Variants in COL9A3 observed in about 807,000 individuals in gnomAD.
COL9A3 encodes the protein collagen alpha-3(IX) chain.
COL9A3 carries 82 observed loss-of-function variants against 110.2 expected under a neutral mutation model. The observed-to-expected ratio is 0.74, with a 90% CI of 0.62 to 0.89. The LOEUF is 0.89. Among genes scored for constraint, COL9A3 ranks in the 40% least tolerant of loss-of-function variants. COL9A3 has a pLI of 0.00. For missense variants in COL9A3, 1,066 were observed against 981.3 expected, an observed-to-expected ratio of 1.09 and a Z score of -1.15; for synonymous variants, 494 against 403.8, an observed-to-expected ratio of 1.22 and a Z score of -2.68.
In COL9A3 at chr20:62,819,284, G is replaced by C; in HGVS notation, c.246G>C (p.Pro82=). 3.1e-6 allele frequency: 5 copies of C among 1,610,700 alleles called. No homozygotes were observed. The highest frequency in any genetic ancestry group is 4.2e-6 in the Non-Finnish European group (5 of 1,179,460). Residue 82 remains proline (P), a synonymous_variant, in exon 4 of 32, where the codon CCG becomes CCC. Coordinates refer to ENST00000649368, the MANE Select transcript of COL9A3 (RefSeq NM_001853.4). ...GAGAGGCTGGGCTGCCGGGACTGCCGGGTGTGGATGTGAGTGCGCCTGCCC... is the reference window on the plus strand; with the variant it reads ...GAGAGGCTGGGCTGCCGGGACTGCCCGGTGTGGATGTGAGTGCGCCTGCCC... ...KPGEAGLPGL[P]GVDGLTGRDG...
intron 26 of COL9A3, among the ~76,000 whole-genome samples, chr20:62,833,677 A>G (rs2063613646): frequency 6.6e-6 from 1 of 150,724 alleles, no homozygotes; most frequent in Non-Finnish European, 1.5e-5. Context: ...TGCTGGGATT[A>G]CAGGCATGAG....
chr20:62,840,671 C>T lies in COL9A3; in HGVS notation c.1994C>T (p.Ser665Leu), dbSNP rs750703504. ...AQGTPGICDT[S>L]ACQGAVLGGV... ...GGGACACCGGGGATCTGCGACACCT[C>T]AGCCTGCCAAGGAGCCGTGTTAGGA... Residue 665 changes from serine to leucine, a missense_variant, in exon 32 of 32, where the codon TCA becomes TTA. Transcript: ENST00000649368. The T allele has an allele frequency of 1.2e-6, 2 of 1,605,632 alleles. No homozygotes were observed. The highest frequency in any genetic ancestry group is 1.7e-5 in the Admixed American group (1 of 58,386).
chr20:62,821,353 C>G (rs3765461), intron 6 of COL9A3, 137 bp downstream of exon 6: 34,500 of 1,335,912 alleles, frequency 0.026, 902 homozygotes, highest in East Asian at 0.11. Context: ...AGGCTGGTGC[C>G]TGGATGGGGT....
chr20:62,832,817 G>T, intron 25 of COL9A3: 4 of 431,900 alleles, frequency 9.3e-6, no homozygotes, highest in East Asian at 8.7e-5. Flanking sequence ...AATGTCTTCC[G>T]TTTTTTGGCC....
At position 62,836,266 on chromosome 20, in the gene COL9A3, C is replaced by G. The variant is rs942913014; in HGVS notation, c.1481C>G (p.Pro494Arg). The G allele has an allele frequency of 6.8e-6, 11 of 1,613,852 alleles. No homozygotes were observed. Among genetic ancestry groups the G allele is most frequent in the Non-Finnish European group, 9.3e-6 (11 of 1,180,012 alleles). ...AGCGGTGTTCAGGGTGTCCCCGGGC[C>G]CCCCGGTCCTCTGGGCCTGCAGGGC... The part of the protein sequence containing the change: ...GTSGVQGVPG[P>R]PGPLGLQGVP... The change falls in exon 28 of 32, where the codon CCC (proline) becomes CGC (arginine). Residue 494 changes from proline (P) to arginine (R), a missense_variant. By Grantham distance (103) the Pro-to-Arg change is moderately radical. Transcript: ENST00000649368.
At chr20:62,817,334 C>T in intron 1 of COL9A3, 192 bp downstream of exon 1, 1 of 492,642 alleles carries the variant, frequency 2.0e-6, no homozygotes, top group Non-Finnish European at 3.4e-6. Flanking sequence ...TGGCCCGGGT[C>T]GGCCGGCGCC....
chr20:62,837,232 C>T lies in COL9A3; in HGVS notation c.1753C>T (p.Pro585Ser). The change falls in exon 30 of 32, where the codon CCC (proline) becomes TCC (serine). Residue 585 changes from proline to serine, a missense_variant. Pro to Ser is a moderately conservative substitution (Grantham distance 74, BLOSUM62 -1). Coordinates refer to ENST00000649368, the MANE Select transcript of COL9A3 (RefSeq NM_001853.4). The stretch of plus-strand genomic sequence containing the variant: ...TCGAGGACCCCCTGGATACCGCGGT[C>T]CCACTGGGGAGCTGGGAGACCCCGG... ...GARGPPGYRG[P>S]TGELGDPGPR... 2 of 1,611,732 alleles carry T rather than the reference C, an allele frequency of 1.2e-6. No individual in the cohort carries two copies. The highest frequency in any genetic ancestry group is 1.3e-5 in the African/African-American group (1 of 75,036).
chr20:62,817,966 G>A (rs1190883837), intron 2 of COL9A3: 1 of 419,430 alleles, frequency 2.4e-6, no homozygotes. Context: ...TGGGTGGTTG[G>A]GGGCCGGGGG....
chr20:62,818,696 G>A, intron 3 of COL9A3, 143 bp downstream of exon 3: 2 of 837,196 alleles, frequency 2.4e-6, no homozygotes, highest in South Asian at 2.7e-5. Context: ...CTTGGAGCAG[G>A]CCTGGAGCCA....
chr20:62,840,366 G>A (rs767112166), intron 31 of COL9A3, among the ~76,000 whole-genome samples, 176 bp from the exon 32 acceptor site: 110 of 147,806 alleles, frequency 7.4e-4, no homozygotes, highest in Non-Finnish European at 1.3e-3. Flanking sequence ...ACTCCCGACC[G>A]CCAGCCCCGC....
At chr20:62,821,281 A>C in intron 6 of COL9A3, 65 bp downstream of exon 6, 1 of 1,538,576 alleles carries the variant, frequency 6.5e-7, no homozygotes, top group Non-Finnish European at 8.9e-7. Context: ...TCTGGTCTAA[A>C]TGGGGTGGCC....
chr20:62,840,443 G>A, intron 31 of COL9A3, 99 bp from the exon 32 acceptor site: 1 of 1,123,078 alleles, frequency 8.9e-7, no homozygotes, highest in South Asian at 1.3e-5. Flanking sequence ...AGTGAAGAGT[G>A]AGCAGATGGA....
chr20:62,816,565 C>A (rs940678912), upstream of COL9A3, among the ~76,000 whole-genome samples: 10 of 152,186 alleles, frequency 6.6e-5, no homozygotes, highest in Non-Finnish European at 1.2e-4. Context: ...CAGGGCTGCG[C>A]TGGGCACTGA....
intron 24 of COL9A3, chr20:62,831,540 A>G: frequency 6.1e-6 from 1 of 164,922 alleles, no homozygotes; most frequent in South Asian, 1.5e-4. Flanking sequence ...ATTGGCCTCC[A>G]GGCAGGACAT....
intron 24 of COL9A3, 37 bp from the exon 25 acceptor site, chr20:62,832,117 C>A (rs371790046): frequency 3.0e-5 from 48 of 1,605,292 alleles, no homozygotes; most frequent in Non-Finnish European, 4.0e-5. Context: ...GGGATTCCTG[C>A]CATTCCTCTA....
At chr20:62,821,358 TG>T (rs2063510946) in intron 6 of COL9A3, 142 bp downstream of exon 6, 3 of 1,332,922 alleles carry the variant, frequency 2.3e-6, no homozygotes, top group African/African-American at 2.9e-5. Context: ...GGTGCCTGGA[TG>T]GGGTCCTGGT....
intron 26 of COL9A3, among the ~76,000 whole-genome samples, chr20:62,834,342 T>G (rs577808664): frequency 6.6e-6 from 1 of 152,322 alleles, no homozygotes; most frequent in East Asian, 1.9e-4. Context: ...AAAACTCCAC[T>G]TCCACAGGCC....
chr20:62,839,507 A>G (rs2063658205), intron 31 of COL9A3, among the ~76,000 whole-genome samples: 1 of 152,212 alleles, frequency 6.6e-6, no homozygotes, highest in African/African-American at 2.4e-5. Flanking sequence ...AGGAGGCCTT[A>G]GACTCCAAGG....
In COL9A3 at chr20:62,826,753, T is replaced by G. The variant is rs779504411; in HGVS notation, c.739-14T>G. ...TCAGACAAGAGGACCCCGGATCCCCTCTCTCCTCTGCAGGGTCCCATTGGG... is the reference window on the plus strand; with the variant it reads ...TCAGACAAGAGGACCCCGGATCCCCGCTCTCCTCTGCAGGGTCCCATTGGG... On this transcript the variant is annotated splice_polypyrimidine_tract_variant and intron_variant, in intron 14 of 31. Coordinates refer to ENST00000649368, the MANE Select transcript of COL9A3 (RefSeq NM_001853.4). 3 of 1,612,430 alleles carry G rather than the reference T, an allele frequency of 1.9e-6. No individual in the cohort carries two copies. The highest frequency in any genetic ancestry group is 2.5e-6 in the Non-Finnish European group (3 of 1,179,784).
Sources: allele counts gnomAD v4.1 joint callset (sites outside exome capture counted in the v4.1 genomes callset), GRCh38; gene constraint gnomAD v4.1.1; transcripts MANE v1.5; gene names NCBI Gene and HGNC (gene_info 2026-07-23, HGNC 2026-07-21).